The following VRK1 variants were observed in gnomAD, a reference collection of about 807,000 sequenced individuals.
VRK1 encodes the protein VRK serine/threonine kinase 1.
In VRK1, 33 loss-of-function variants were observed where a neutral mutation model predicts 57.1. The ratio of observed to expected loss-of-function variants is 0.58; its 90% confidence interval spans 0.44 to 0.77. The LOEUF is 0.77. VRK1 is among the 30% of genes least tolerant of loss of function. The pLI is 0.00. For missense variants in VRK1, 413 were observed against 477.3 expected (o/e 0.87, Z 1.25); for synonymous variants, 137 against 147.8 (o/e 0.93, Z 0.53).
intron 1 of VRK1, among the ~76,000 whole-genome samples, chr14:96,804,144 G>A (rs1042857791): frequency 6.6e-6 from 1 of 152,070 alleles, no homozygotes; most frequent in African/African-American, 2.4e-5. Flanking sequence ...ACCCTTATAT[G>A]TCTTACATTT....
In VRK1 at chr14:96,847,363, T is replaced by G. The variant is rs774303190; in HGVS notation, c.374+19T>G. The G allele has an allele frequency of 1.0e-5, 16 of 1,596,142 alleles. No homozygotes were observed. The highest frequency in any genetic ancestry group is 1.4e-5 in the Non-Finnish European group (16 of 1,164,020). On this transcript the variant is annotated intron_variant, in intron 5 of 12. Coordinates refer to ENST00000216639, the MANE Select transcript of VRK1 (RefSeq NM_003384.3). The stretch of plus-strand genomic sequence containing the variant: ...GAAAAAGGTAAAAATATGTGTGATT[T>G]GTCTTTCTCCTTCCCTTTTGCAACA...
At chr14:96,878,131 A>G (rs1889114846) in intron 12 of VRK1, among the ~76,000 whole-genome samples, 1 of 152,190 alleles carries the variant, frequency 6.6e-6, no homozygotes, top group Admixed American at 6.5e-5. Flanking sequence ...CTAAAGTACA[A>G]TGCGAGTTAA....
At chr14:96,860,875 G>A in intron 11 of VRK1, 140 bp downstream of exon 11, 2 of 787,434 alleles carry the variant, frequency 2.5e-6, no homozygotes, top group Non-Finnish European at 4.1e-6. Flanking sequence ...TTGTAATACA[G>A]AAAATGTGTA....
At chr14:96,802,993 C>G (rs1885722785) in intron 1 of VRK1, among the ~76,000 whole-genome samples, 1 of 152,002 alleles carries the variant, frequency 6.6e-6, no homozygotes, top group South Asian at 2.1e-4. Flanking sequence ...TTATTCTGTC[C>G]CAGGTGGGGT....
chr14:96,852,028 A>G (rs1418125893), intron 5 of VRK1, among the ~76,000 whole-genome samples: 3 of 152,194 alleles, frequency 2.0e-5, no homozygotes, highest in Non-Finnish European at 4.4e-5. Flanking sequence ...AAACTATTGA[A>G]GATAAAAGTG....
At chr14:96,832,242 T>TCTAGGCTCAAAA (rs1887035833) in intron 1 of VRK1, among the ~76,000 whole-genome samples, 1 of 152,116 alleles carries the variant, frequency 6.6e-6, no homozygotes, top group Non-Finnish European at 1.5e-5. Context: ...ATGTAGCATG[T>TCTAGGCTCAAAA]CTAGGCTCAA....
chr14:96,862,544 C>A, intron 11 of VRK1, among the ~76,000 whole-genome samples: 1 of 143,738 alleles, frequency 7.0e-6, no homozygotes. Context: ...AAGAACTGGA[C>A]CAGACCAGTT....
chr14:96,868,405 A>G (rs1951312), intron 11 of VRK1, among the ~76,000 whole-genome samples: 95,267 of 152,052 alleles, frequency 0.63, 30,718 homozygotes, highest in African/African-American at 0.69. Context: ...TGATTTCATT[A>G]TGCAGACATA....
At chr14:96,845,308 A>G (rs1014228219) in intron 3 of VRK1, among the ~76,000 whole-genome samples, 1 of 152,250 alleles carries the variant, frequency 6.6e-6, no homozygotes, top group Non-Finnish European at 1.5e-5. Context: ...TAAAAAGTCC[A>G]CAGAATTATA....
intron 1 of VRK1, among the ~76,000 whole-genome samples, chr14:96,822,597 A>G (rs543543988): frequency 1.3e-5 from 2 of 152,350 alleles, no homozygotes; most frequent in Non-Finnish European, 2.9e-5. Context: ...AAGCTTATAT[A>G]GTTTATAGAT....
At chr14:96,851,141 T>A (rs867950341) in intron 5 of VRK1, among the ~76,000 whole-genome samples, 5 of 138,830 alleles carry the variant, frequency 3.6e-5, no homozygotes, top group South Asian at 4.4e-4. Context: ...TTGTCACAAA[T>A]TTTTTTTTTT....
At chr14:96,872,436 A>G (rs941707420) in intron 11 of VRK1, among the ~76,000 whole-genome samples, 2 of 152,220 alleles carry the variant, frequency 1.3e-5, no homozygotes, top group African/African-American at 4.8e-5. Context: ...CTCAGGGAAC[A>G]TACGTAGTAG....
intron 1 of VRK1, among the ~76,000 whole-genome samples, chr14:96,809,123 A>G (rs1886050713): frequency 6.6e-6 from 1 of 151,800 alleles, no homozygotes; most frequent in South Asian, 2.1e-4. Context: ...CTATTGACCA[A>G]ACCTACATGT....
chr14:96,844,738 C>T (rs565495067), intron 3 of VRK1, among the ~76,000 whole-genome samples: 27 of 152,246 alleles, frequency 1.8e-4, no homozygotes, highest in African/African-American at 5.8e-4. Context: ...GATGGGGTTT[C>T]ACCATGTTGG....
At chr14:96,804,198 G>A (rs1201068617) in intron 1 of VRK1, among the ~76,000 whole-genome samples, 1 of 152,192 alleles carries the variant, frequency 6.6e-6, no homozygotes, top group African/African-American at 2.4e-5. Flanking sequence ...CAGGATGTGA[G>A]CTTTAGATCT....
chr14:96,856,636 A>G, intron 10 of VRK1, 50 bp downstream of exon 10: 1 of 1,495,850 alleles, frequency 6.7e-7, no homozygotes, highest in Non-Finnish European at 9.3e-7. Context: ...TTCTGGGGAT[A>G]AAAAGGCATG....
intron 10 of VRK1, among the ~76,000 whole-genome samples, chr14:96,860,106 C>T (rs897958154): frequency 6.6e-6 from 1 of 151,974 alleles, no homozygotes; most frequent in Non-Finnish European, 1.5e-5. Flanking sequence ...TCTTTGGCCT[C>T]TTTTTGGTGT....
chr14:96,826,518 A>G (rs1411428977), intron 1 of VRK1, among the ~76,000 whole-genome samples: 1 of 152,180 alleles, frequency 6.6e-6, no homozygotes, highest in African/African-American at 2.4e-5. Context: ...TGTAATGCTA[A>G]ACTTTTTTTT....
At chr14:96,798,038 C>G (rs796158064) in intron 1 of VRK1, among the ~76,000 whole-genome samples, 1 of 152,112 alleles carries the variant, frequency 6.6e-6, no homozygotes, top group Non-Finnish European at 1.5e-5. Flanking sequence ...GAGGCCGACC[C>G]CTGAGGATAG....
Sources: gnomAD v4.1 joint callset for allele counts (sites outside exome capture counted in the v4.1 genomes callset) on GRCh38, gnomAD v4.1.1 for gene constraint, MANE v1.5 for transcripts, NCBI Gene and HGNC (gene_info 2026-07-23, HGNC 2026-07-21) for gene names.